LRRTM4: variants seen among roughly 807,000 people sequenced by gnomAD.
The protein encoded by LRRTM4 is leucine rich repeat transmembrane neuronal 4, also known as leucine-rich repeat transmembrane neuronal protein 4.
LRRTM4 carries 25 observed loss-of-function variants against 47.6 expected under a neutral mutation model. The ratio of observed to expected loss-of-function variants is 0.53; its 90% CI spans 0.38 to 0.73. The LOEUF (loss-of-function observed/expected upper bound fraction) is 0.73. LRRTM4 is among the 30% of genes least tolerant of loss of function. LRRTM4 has a pLI of 0.00. For synonymous variants in LRRTM4, 311 were observed against 269.5 expected (o/e 1.15, Z -1.51); for missense variants, 638 against 713.4 (o/e 0.89, Z 1.20).
chr2:77,083,272 G>C (rs1237242855), intron 3 of LRRTM4, among the ~76,000 whole-genome samples: 2 of 152,140 alleles, frequency 1.3e-5, no homozygotes, highest in African/African-American at 4.8e-5. Flanking sequence ...ATGGTGCAAA[G>C]GATCTCAGTA....
chr2:77,517,659 A>G (rs1467889345), intron 3 of LRRTM4: 20 of 979,642 alleles, frequency 2.0e-5, no homozygotes, highest in Non-Finnish European at 2.3e-5. Flanking sequence ...GAAAGGAAGG[A>G]AAGGAAGGAG....
intron 3 of LRRTM4, among the ~76,000 whole-genome samples, chr2:77,406,331 T>A (rs1442658408): frequency 6.6e-6 from 1 of 152,106 alleles, no homozygotes; most frequent in Non-Finnish European, 1.5e-5. Context: ...TCTATTATTA[T>A]TATTATTAGA....
intron 3 of LRRTM4, among the ~76,000 whole-genome samples, chr2:76,809,345 C>T (rs1035122354): frequency 3.3e-5 from 5 of 151,782 alleles, no homozygotes; most frequent in African/African-American, 1.2e-4. Flanking sequence ...GTTTGCAGTC[C>T]CTCACTCCCA....
At position 76,798,014 on chromosome 2, in the gene LRRTM4, C is replaced by T. The variant is rs1299130800; in HGVS notation, c.1552-49098G>A. 2.9e-5 allele frequency among the ~76,000 whole-genome samples: 4 copies of T among 139,990 alleles called. 1 individual carries two copies. The highest frequency in any genetic ancestry group is 1.4e-4 in the Admixed American group (2 of 14,454). 91.8% of individuals were successfully genotyped at this position (139,990 alleles called of 152,430 possible). A position where few individuals can be genotyped will look rare whatever the true frequency, so the allele number is the denominator to read the frequency against. On this transcript the variant is annotated intron_variant, in intron 3 of 3. Coordinates refer to ENST00000409884, the MANE Select transcript of LRRTM4 (RefSeq NM_001134745.3). ...AGACTTAGACTCCCACACATTAACA[C>T]CCCACTGTCAACATTAGACAGATCA...
At chr2:77,099,483 GAT>G (rs1268782639) in intron 3 of LRRTM4, among the ~76,000 whole-genome samples, 2 of 151,896 alleles carry the variant, frequency 1.3e-5, no homozygotes, top group Non-Finnish European at 2.9e-5. Flanking sequence ...ACATATATAA[GAT>G]ATGTTAATAA....
chr2:77,071,842 A>C (rs1680164283), intron 3 of LRRTM4, among the ~76,000 whole-genome samples: 1 of 152,180 alleles, frequency 6.6e-6, no homozygotes, highest in Admixed American at 6.5e-5. Flanking sequence ...TCCAAAACCC[A>C]GCATTTGTGA....
intron 3 of LRRTM4, among the ~76,000 whole-genome samples, chr2:77,115,005 G>A (rs1042339822): frequency 6.6e-6 from 1 of 152,048 alleles, no homozygotes; most frequent in Non-Finnish European, 1.5e-5. Flanking sequence ...TCCCAATCCT[G>A]GTAAGCCTGA....
intron 3 of LRRTM4, among the ~76,000 whole-genome samples, chr2:77,269,262 G>T (rs1676129805): frequency 1.3e-5 from 2 of 151,998 alleles, no homozygotes; most frequent in South Asian, 2.1e-4. Flanking sequence ...GTGATTATTT[G>T]ATTAAATATC....
intron 3 of LRRTM4, among the ~76,000 whole-genome samples, chr2:77,267,588 G>A (rs1172226671): frequency 2.6e-5 from 4 of 152,050 alleles, no homozygotes; most frequent in Non-Finnish European, 4.4e-5. Flanking sequence ...ACTGTATTCG[G>A]GATTAAGTTT....
chr2:76,778,971 C>T (rs557407468), intron 3 of LRRTM4, among the ~76,000 whole-genome samples: 35 of 149,046 alleles, frequency 2.3e-4, no homozygotes, highest in East Asian at 5.9e-4. Context: ...TCTTTGTTTT[C>T]GTTGGTTTCA....
intron 3 of LRRTM4, among the ~76,000 whole-genome samples, chr2:76,945,259 G>C (rs1675284089): frequency 6.6e-6 from 1 of 152,018 alleles, no homozygotes; most frequent in Non-Finnish European, 1.5e-5. Flanking sequence ...AAAGCAACTA[G>C]CGTGCCTAAA....
At chr2:77,387,768 A>T (rs1673341552) in intron 3 of LRRTM4, among the ~76,000 whole-genome samples, 1 of 152,102 alleles carries the variant, frequency 6.6e-6, no homozygotes, top group African/African-American at 2.4e-5. Flanking sequence ...TGATGAGGAA[A>T]ATTACTTAAA....
chr2:77,504,979 T>A (rs1471901697), intron 3 of LRRTM4, among the ~76,000 whole-genome samples: 1 of 151,342 alleles, frequency 6.6e-6, no homozygotes, highest in African/African-American at 2.4e-5. Context: ...GTTTATACAT[T>A]TCAAGGGAAA....
At chr2:76,782,514 T>G (rs941280173) in intron 3 of LRRTM4, among the ~76,000 whole-genome samples, 4 of 152,216 alleles carry the variant, frequency 2.6e-5, no homozygotes, top group Non-Finnish European at 5.9e-5. Context: ...GAGGTGACTA[T>G]GAATTATTAC....
chr2:76,757,406 G>T (rs570558713), intron 3 of LRRTM4, among the ~76,000 whole-genome samples: 140 of 152,126 alleles, frequency 9.2e-4, no homozygotes, highest in Non-Finnish European at 1.7e-3. Context: ...TGTCTATGAG[G>T]TGCCCAGAGA....
chr2:77,183,517 G>T (rs1673409575), intron 3 of LRRTM4, among the ~76,000 whole-genome samples: 1 of 152,210 alleles, frequency 6.6e-6, no homozygotes, highest in Admixed American at 6.5e-5. Context: ...GTGGAAGTCA[G>T]TGTGGCAATT....
rs374688986 is a variant in LRRTM4, at chr2:76,929,389, T to C, written c.1552-180473A>G. Among the ~76,000 whole-genome samples the C allele has an allele frequency of 1.4e-4, 22 of 152,236 alleles. 1 individual carries two copies. In the South Asian group the frequency reaches 3.9e-3, roughly 27 times the overall value. On this transcript the variant is annotated intron_variant, in intron 3 of 3. Coordinates refer to ENST00000409884, the MANE Select transcript of LRRTM4 (RefSeq NM_001134745.3). ...CTGCTTTCATGCTACGATGGCAAAA[T>C]TGAGAAGATTCAACAGAGGTCTTAT...
intron 3 of LRRTM4, among the ~76,000 whole-genome samples, chr2:77,393,072 T>C (rs1257863530): frequency 2.0e-5 from 3 of 151,992 alleles, no homozygotes; most frequent in Non-Finnish European, 4.4e-5. Flanking sequence ...CACTAAAAGT[T>C]TTGCTTTATT....
intron 3 of LRRTM4, among the ~76,000 whole-genome samples, chr2:76,995,969 G>A (rs1176625336): frequency 2.0e-5 from 3 of 151,920 alleles, no homozygotes; most frequent in Non-Finnish European, 4.4e-5. Flanking sequence ...AACTTACGAA[G>A]GTATGCAGAT....
Sources: gnomAD v4.1 joint callset for allele counts (sites outside exome capture counted in the v4.1 genomes callset) on GRCh38, gnomAD v4.1.1 for gene constraint, MANE v1.5 for transcripts, NCBI Gene and HGNC (gene_info 2026-07-23, HGNC 2026-07-21) for gene names.